The following SGCZ variants were observed in gnomAD, a reference collection of about 807,000 sequenced individuals.
SGCZ encodes zeta-sarcoglycan.
Under a neutral mutation model 41.3 loss-of-function variants are expected in SGCZ, and 40 were observed. The ratio of observed to expected loss-of-function variants is 0.97; its 90% CI spans 0.75 to 1.26. The LOEUF is 1.26. Ranked by LOEUF, SGCZ falls within the 50% of genes most tolerant of loss-of-function variation. The probability of loss-of-function intolerance (pLI) is 0.00; values close to 1 mark genes in which losing one functional copy is unlikely to be tolerated. For missense variants in SGCZ, 552 were observed against 369.8 expected, an observed-to-expected ratio of 1.49 and a Z score of -4.04; for synonymous variants, 206 against 137.5, an observed-to-expected ratio of 1.50 and a Z score of -3.49.
chr8:14,815,350 T>C (rs952106311), intron 1 of SGCZ, among the ~76,000 whole-genome samples: 1 of 151,564 alleles, frequency 6.6e-6, no homozygotes, highest in Admixed American at 6.6e-5. Flanking sequence ...AATTAATTAT[T>C]ACATTTGCCA....
chr8:15,055,078 C>T (rs1563472077), intron 1 of SGCZ, among the ~76,000 whole-genome samples: 1 of 152,068 alleles, frequency 6.6e-6, no homozygotes, highest in Non-Finnish European at 1.5e-5. Context: ...AGAATAAGTG[C>T]CATCCTTGTG....
At chr8:14,514,417 T>C (rs972631612) in intron 2 of SGCZ, among the ~76,000 whole-genome samples, 3 of 151,956 alleles carry the variant, frequency 2.0e-5, no homozygotes, top group Admixed American at 6.6e-5. Flanking sequence ...AAAAACGACA[T>C]CTCTTATAAC....
chr8:15,065,000 G>A (rs1269055807), intron 1 of SGCZ, among the ~76,000 whole-genome samples: 1 of 152,018 alleles, frequency 6.6e-6, no homozygotes, highest in Non-Finnish European at 1.5e-5. Flanking sequence ...AAGTCTCCAG[G>A]CTTCATTTTG....
At chr8:14,635,151 G>A (rs948145864) in intron 1 of SGCZ, among the ~76,000 whole-genome samples, 2 of 151,464 alleles carry the variant, frequency 1.3e-5, no homozygotes, top group African/African-American at 2.4e-5. Flanking sequence ...CTATTCATTC[G>A]CAGCTGTCAG....
At chr8:15,082,443 AGT>A (rs71209102) in intron 1 of SGCZ, among the ~76,000 whole-genome samples, 6 of 149,568 alleles carry the variant, frequency 4.0e-5, no homozygotes, top group Non-Finnish European at 5.9e-5. Flanking sequence ...TATATCTCTA[AGT>A]GTGTGTGTGT....
rs192109294 is a variant in SGCZ at position 14,122,969 on chromosome 8, C to T, written c.548-14734G>A. ...TCTTAAATAGAAGTATGTTGTAATC[C>T]CTTTTAGAGATAAAGTGAATCTTTT... On this transcript the variant is annotated intron_variant, in intron 5 of 7. Transcript: ENST00000382080. Among the ~76,000 whole-genome samples the T allele has an allele frequency of 1.8e-4, 27 of 152,058 alleles. No individual in the cohort carries two copies. In the East Asian group the frequency reaches 5.0e-3, roughly 28 times the overall value.
chr8:14,290,819 A>G (rs1429349733), intron 3 of SGCZ, among the ~76,000 whole-genome samples: 1 of 152,126 alleles, frequency 6.6e-6, no homozygotes, highest in Non-Finnish European at 1.5e-5. Flanking sequence ...TACCATATGA[A>G]CCAACCATAC....
At chr8:14,297,505 G>A (rs1593627) in intron 3 of SGCZ, among the ~76,000 whole-genome samples, 150,921 of 151,970 alleles carry the variant, frequency 0.99, 74,951 homozygotes, top group South Asian at 1. Context: ...AAAAACTCCC[G>A]TAGAAAGTAA....
intron 2 of SGCZ, among the ~76,000 whole-genome samples, chr8:14,343,624 G>C (rs1802788099): frequency 6.6e-6 from 1 of 152,090 alleles, no homozygotes; most frequent in African/African-American, 2.4e-5. Context: ...TCAGGGGAAG[G>C]GGTTCTAGTA....
intron 1 of SGCZ, among the ~76,000 whole-genome samples, chr8:14,970,542 C>T (rs1438358808): frequency 6.6e-6 from 1 of 152,030 alleles, no homozygotes; most frequent in Admixed American, 6.6e-5. Context: ...CTAGTAATTC[C>T]AACACCTTTC....
chr8:15,193,746 T>A (rs1437657015), intron 1 of SGCZ, among the ~76,000 whole-genome samples: 1 of 152,206 alleles, frequency 6.6e-6, no homozygotes, highest in Non-Finnish European at 1.5e-5. Flanking sequence ...ATGTACAGAA[T>A]ACTTCAATAT....
chr8:15,206,665 T>C lies in SGCZ; in HGVS notation c.39+30920A>G, dbSNP rs1801077857. Among the ~76,000 whole-genome samples the C allele has an allele frequency of 2.0e-5, 3 of 152,174 alleles. No individual in the cohort carries two copies. The South Asian group carries it at 6.2e-4, about 32-fold the overall frequency. On this transcript the variant is annotated intron_variant, in intron 1 of 7. Coordinates refer to ENST00000382080, the MANE Select transcript of SGCZ (RefSeq NM_139167.4). ...TGTTTCACCATCTTTGCCAGGCTGGTCTCGAACTCCTGACATTGTGATCCA... is the reference window on the plus strand; with the variant it reads ...TGTTTCACCATCTTTGCCAGGCTGGCCTCGAACTCCTGACATTGTGATCCA...
chr8:14,899,250 A>G (rs941922949), intron 1 of SGCZ, among the ~76,000 whole-genome samples: 24 of 152,132 alleles, frequency 1.6e-4, no homozygotes, highest in African/African-American at 5.6e-4. Context: ...CTTGCAATTT[A>G]AGATCTCCTT....
intron 2 of SGCZ, among the ~76,000 whole-genome samples, chr8:14,510,327 G>A (rs992297134): frequency 6.6e-6 from 1 of 151,904 alleles, no homozygotes; most frequent in Non-Finnish European, 1.5e-5. Flanking sequence ...AGCTAGATAG[G>A]TTCTCACATT....
chr8:14,237,508 C>CAAT (rs35279380), intron 4 of SGCZ, 84 bp downstream of exon 4: 22 of 1,155,344 alleles, frequency 1.9e-5, no homozygotes, highest in East Asian at 1.7e-4. Flanking sequence ...ACAACAACAA[C>CAAT]GACAACAACA....
At chr8:14,800,395 T>A (rs1044035161) in intron 1 of SGCZ, among the ~76,000 whole-genome samples, 1 of 152,196 alleles carries the variant, frequency 6.6e-6, no homozygotes, top group African/African-American at 2.4e-5. Flanking sequence ...TAAGTTTATG[T>A]AAGGTGCATA....
At position 14,504,094 on chromosome 8, in the gene SGCZ, TG is replaced by T. The variant is rs571427389; in HGVS notation, c.234+50637del. On this transcript the variant is annotated intron_variant, in intron 2 of 7. Coordinates refer to ENST00000382080, the MANE Select transcript of SGCZ (RefSeq NM_139167.4). ...CTTCCCTCTGTTTATTTTTCTTTTT[TG>T]TCTCAATTATATTTTTATTTCATGA... is the stretch of plus-strand genomic sequence containing the variant. Among the ~76,000 whole-genome samples, 12 of 152,300 alleles carry T rather than the reference TG, an allele frequency of 7.9e-5. No individual in the cohort carries two copies. In the East Asian group the frequency reaches 2.3e-3, roughly 29 times the overall value.
intron 2 of SGCZ, among the ~76,000 whole-genome samples, chr8:14,335,976 C>T (rs1802492240): frequency 6.6e-6 from 1 of 151,944 alleles, no homozygotes; most frequent in Non-Finnish European, 1.5e-5. Flanking sequence ...TATATAAACT[C>T]ATGTCATAGG....
chr8:14,675,928 G>A (rs751836462), intron 1 of SGCZ, among the ~76,000 whole-genome samples: 3 of 152,152 alleles, frequency 2.0e-5, no homozygotes, highest in Non-Finnish European at 4.4e-5. Flanking sequence ...AAGGTGGTGA[G>A]AATTTTGACC....
Sources: allele counts gnomAD v4.1 joint callset (sites outside exome capture counted in the v4.1 genomes callset), GRCh38; gene constraint gnomAD v4.1.1; transcripts MANE v1.5; gene names NCBI Gene and HGNC (gene_info 2026-07-23, HGNC 2026-07-21).